FGF14: variants seen among roughly 807,000 people sequenced by gnomAD.
FGF14 encodes fibroblast growth factor 14, also known as fibroblast growth factor homologous factor 4.
FGF14 carries 5 observed loss-of-function variants against 25.5 expected under a neutral mutation model. That is an observed-to-expected ratio of 0.20 (90% CI 0.10 to 0.41). The LOEUF (loss-of-function observed/expected upper bound fraction) is 0.41. FGF14 is among the 10% of genes least tolerant of loss of function. The pLI is 1.00. For missense variants in FGF14, 222 were observed against 320.1 expected, an observed-to-expected ratio of 0.69 and a Z score of 2.34; for synonymous variants, 138 against 118.3, an observed-to-expected ratio of 1.17 and a Z score of -1.08.
chr13:102,383,741 T>A (rs760780611), intron 1 of FGF14, among the ~76,000 whole-genome samples: 6 of 151,914 alleles, frequency 3.9e-5, no homozygotes, highest in African/African-American at 7.3e-5. Flanking sequence ...TTCATTTTTA[T>A]CCAACTTTCC....
At chr13:102,381,341 T>C (rs147283536) in intron 1 of FGF14, among the ~76,000 whole-genome samples, 1 of 152,314 alleles carries the variant, frequency 6.6e-6, no homozygotes, top group East Asian at 1.9e-4. Flanking sequence ...GCAATTAATA[T>C]TAAGAGGTGG....
At position 102,076,344 on chromosome 13, in the gene FGF14, T is replaced by C. The variant is rs143058531; in HGVS notation, c.209-201048A>G. On this transcript the variant is annotated intron_variant, in intron 1 of 4. Coordinates refer to the FGF14 transcript ENST00000376131. Reference sequence around the variant, plus strand: ...CAATCACTTAACACTGTGTTACAATTGCCCACAGTATTCAGTACAGGCATA... The same window carrying C: ...CAATCACTTAACACTGTGTTACAATCGCCCACAGTATTCAGTACAGGCATA... Among the ~76,000 whole-genome samples the C allele has an allele frequency of 2.6e-3, 397 of 152,332 alleles. 3 individuals are homozygous for C. Among genetic ancestry groups the C allele is most frequent in the Middle Eastern group, 0.02 (6 of 294 alleles).
intron 3 of FGF14, among the ~76,000 whole-genome samples, chr13:101,810,736 A>G (rs1356684372): frequency 6.6e-6 from 1 of 152,146 alleles, no homozygotes; most frequent in Non-Finnish European, 1.5e-5. Context: ...TTCACAATCC[A>G]TTTCTACAGA....
intron 1 of FGF14, among the ~76,000 whole-genome samples, chr13:102,059,086 T>C (rs1250752646): frequency 1.3e-5 from 2 of 152,110 alleles, no homozygotes; most frequent in Non-Finnish European, 2.9e-5. Flanking sequence ...TAGAAAATAA[T>C]GATGAGGCTA....
intron 1 of FGF14, among the ~76,000 whole-genome samples, chr13:101,986,087 A>C (rs1223813175): frequency 6.6e-6 from 1 of 152,154 alleles, no homozygotes; most frequent in Non-Finnish European, 1.5e-5. Context: ...TTTGATACTT[A>C]AGGATGCTTA....
At chr13:102,186,958 T>C (rs2048902308) in intron 1 of FGF14, among the ~76,000 whole-genome samples, 1 of 152,124 alleles carries the variant, frequency 6.6e-6, no homozygotes, top group South Asian at 2.1e-4. Context: ...ACATCAGAGT[T>C]ACATACATAA....
At chr13:102,093,654 T>C (rs1383660146) in intron 1 of FGF14, among the ~76,000 whole-genome samples, 1 of 152,136 alleles carries the variant, frequency 6.6e-6, no homozygotes, top group Non-Finnish European at 1.5e-5. Flanking sequence ...ATGAGACCCA[T>C]ACAAACTGCC....
chr13:101,826,613 T>C (rs1027924616), intron 3 of FGF14, among the ~76,000 whole-genome samples: 1 of 152,064 alleles, frequency 6.6e-6, no homozygotes, highest in Non-Finnish European at 1.5e-5. Context: ...TAAATAGAAA[T>C]GTCTTATATT....
intron 1 of FGF14, among the ~76,000 whole-genome samples, chr13:102,170,113 T>C (rs982505129): frequency 6.6e-6 from 1 of 152,098 alleles, no homozygotes; most frequent in Non-Finnish European, 1.5e-5. Context: ...AAGGCCTGGC[T>C]TTCCATCCCT....
intron 1 of FGF14, among the ~76,000 whole-genome samples, chr13:101,978,299 T>C (rs556253732): frequency 3.9e-5 from 6 of 152,366 alleles, no homozygotes; most frequent in South Asian, 4.1e-4. Context: ...ATGGTGATAT[T>C]TGATGTGGCA....
intron 4 of FGF14, among the ~76,000 whole-genome samples, chr13:101,724,620 AT>A (rs1374581269): frequency 8.3e-5 from 12 of 143,970 alleles, no homozygotes; most frequent in South Asian, 2.2e-4. Context: ...ATATATATAT[AT>A]ATATATATAT....
intron 3 of FGF14, among the ~76,000 whole-genome samples, chr13:101,838,867 C>A (rs1227436260): frequency 6.6e-6 from 1 of 152,020 alleles, no homozygotes; most frequent in Non-Finnish European, 1.5e-5. Flanking sequence ...ATCAATGAGG[C>A]AGAAGCTTGT....
At chr13:101,930,027 C>A (rs566569555) in intron 1 of FGF14, among the ~76,000 whole-genome samples, 1 of 152,336 alleles carries the variant, frequency 6.6e-6, no homozygotes, top group South Asian at 2.1e-4. Flanking sequence ...GAGGGCTTTA[C>A]TTCCAAATTT....
intron 1 of FGF14, among the ~76,000 whole-genome samples, chr13:101,960,708 A>G (rs2036799024): frequency 6.6e-6 from 1 of 152,198 alleles, no homozygotes; most frequent in African/African-American, 2.4e-5. Context: ...GTGTATATCC[A>G]GTAATGGGAT....
intron 1 of FGF14, among the ~76,000 whole-genome samples, chr13:102,360,174 A>C (rs574707144): frequency 3.9e-5 from 6 of 152,324 alleles, no homozygotes; most frequent in African/African-American, 1.4e-4. Context: ...GCATACACAC[A>C]AAAAGGATAT....
intron 1 of FGF14, among the ~76,000 whole-genome samples, chr13:101,973,119 CTTTT>C (rs35290815): frequency 0.016 from 2,074 of 127,526 alleles, 48 homozygotes; most frequent in African/African-American, 0.055. Flanking sequence ...AAGTGTGCTT[CTTTT>C]TTTTTTTTTT....
At chr13:101,778,742 T>A (rs2039300935) in intron 3 of FGF14, 1 of 152,208 alleles carries the variant, frequency 6.6e-6, no homozygotes, top group Non-Finnish European at 1.5e-5. Context: ...TGTGTGTTTT[T>A]ATGAGCATGT....
At chr13:101,872,396 T>C (rs950426775) in intron 2 of FGF14, among the ~76,000 whole-genome samples, 1 of 151,864 alleles carries the variant, frequency 6.6e-6, no homozygotes, top group African/African-American at 2.4e-5. Flanking sequence ...GGAAACTATA[T>C]GATTATTACA....
intron 1 of FGF14, among the ~76,000 whole-genome samples, chr13:101,944,405 A>G (rs529276526): frequency 9.8e-5 from 15 of 152,288 alleles, no homozygotes; most frequent in African/African-American, 2.9e-4. Flanking sequence ...CTCTGCAAAC[A>G]ACATTCCTTC....
Sources: gnomAD v4.1 joint callset for allele counts (sites outside exome capture counted in the v4.1 genomes callset) on GRCh38, gnomAD v4.1.1 for gene constraint, MANE v1.5 for transcripts, NCBI Gene and HGNC (gene_info 2026-07-23, HGNC 2026-07-21) for gene names.